Variants in NTAN1 observed in about 807,000 individuals in gnomAD.
The protein encoded by NTAN1 is protein N-terminal asparagine amidohydrolase.
Under a neutral mutation model 41.9 loss-of-function variants are expected in NTAN1, and 32 were observed. The ratio of observed to expected loss-of-function variants is 0.76; its 90% CI spans 0.58 to 1.03. The LOEUF is 1.03. Ranked by LOEUF, NTAN1 falls within the 50% of genes least tolerant of loss-of-function variation. The pLI, the probability that NTAN1 is intolerant of heterozygous loss-of-function variation, is 0.00. For synonymous variants in NTAN1, 140 were observed against 139.5 expected (o/e 1.00, Z -0.03); for missense variants, 377 against 377.5 (o/e 1.00, Z 0.01).
intron 1 of NTAN1, among the ~76,000 whole-genome samples, chr16:15,054,933 T>C (rs1226314240): frequency 2.6e-5 from 4 of 152,212 alleles, no homozygotes; most frequent in Non-Finnish European, 4.4e-5. Context: ...CAGGTTCCTG[T>C]GCTTCCCATC....
At position 15,038,099 on chromosome 16, in the gene NTAN1, T is replaced by C. The variant is rs1264017091; in HGVS notation, c.865A>G (p.Asn289Asp). The part of the protein sequence containing the change: ...PSPAHTLFSG[N>D]KALLYKKNED... ...TTTTTTTTGTAGAGTAGGGCTTTAT[T>C]TCCAGAAAACAGTGTGTGAGCTGGA... Residue 289 changes from asparagine to aspartate, a missense_variant, in exon 10 of 10, where the codon AAT becomes GAT. Physicochemically the swap from Asn to Asp is conservative, Grantham distance 23. Transcript: ENST00000287706. The C allele has an allele frequency of 6.2e-7, 1 of 1,612,476 alleles. No homozygotes were observed. The highest frequency in any genetic ancestry group is 1.1e-5 in the South Asian group (1 of 91,036).
intron 1 of NTAN1, among the ~76,000 whole-genome samples, chr16:15,051,478 T>C (rs1236024409): frequency 6.7e-6 from 1 of 149,982 alleles, no homozygotes; most frequent in Non-Finnish European, 1.5e-5. Flanking sequence ...CCCAAGGAGC[T>C]GGGAACTACA....
intron 4 of NTAN1, among the ~76,000 whole-genome samples, chr16:15,046,687 C>G: frequency 7.1e-6 from 1 of 140,770 alleles, no homozygotes; most frequent in Non-Finnish European, 1.5e-5. Context: ...TGGCAAAACC[C>G]TGTCTCTACC....
intron 3 of NTAN1, 102 bp from the exon 4 acceptor site, chr16:15,047,652 T>G (rs531515098): frequency 3.0e-6 from 3 of 986,020 alleles, no homozygotes; most frequent in Non-Finnish European, 4.9e-6. Context: ...TCTTTGAATA[T>G]CCTGTAGGGG....
intron 1 of NTAN1, among the ~76,000 whole-genome samples, chr16:15,051,395 C>T (rs55727637): frequency 0.3 from 45,505 of 152,156 alleles, 7,345 homozygotes; most frequent in Admixed American, 0.45. Context: ...TACTGTCTCC[C>T]AGGCTGGAGT....
chr16:15,044,611 C>T, intron 4 of NTAN1: 2 of 592,720 alleles, frequency 3.4e-6, no homozygotes, highest in Non-Finnish European at 6.0e-6. Context: ...CCCAGGGGCC[C>T]TGATGACTGA....
intron 1 of NTAN1, among the ~76,000 whole-genome samples, chr16:15,053,353 CT>C (rs2044369307): frequency 6.6e-6 from 1 of 152,180 alleles, no homozygotes; most frequent in Admixed American, 6.5e-5. Flanking sequence ...CACTGTATGA[CT>C]TATTGTTATT....
intron 1 of NTAN1, among the ~76,000 whole-genome samples, chr16:15,054,789 C>A (rs11075253): frequency 0.22 from 33,530 of 152,134 alleles, 4,406 homozygotes; most frequent in Middle Eastern, 0.35. Context: ...GGACACTACT[C>A]TTATCTGCCT....
Position 15,047,852 on chromosome 16 carries a change from TA to T in NTAN1, c.250+2del, listed in dbSNP as rs2044138233. ...ATGGTTTCCTTCACCTCTCTCATCA[TA>T]CCTGTGTGCCTCAGGACCACAATGT... On this transcript the variant is annotated splice_donor_variant, in intron 3 of 9. Coordinates refer to ENST00000287706, the MANE Select transcript of NTAN1 (RefSeq NM_173474.4). LOFTEE classifies it high-confidence loss of function. The T allele has an allele frequency of 6.2e-7, 1 of 1,609,190 alleles. No individual in the cohort carries two copies. The highest frequency in any genetic ancestry group is 8.5e-7 in the Non-Finnish European group (1 of 1,175,556).
At chr16:15,038,724 T>C (rs761307753) in intron 8 of NTAN1, 37 bp from the exon 9 acceptor site, 36 of 1,179,826 alleles carry the variant, frequency 3.1e-5, no homozygotes, top group Non-Finnish European at 4.4e-5. Context: ...ATTTCAGGAA[T>C]GTCACCCACT....
At chr16:15,041,171 A>ATTAT (rs745444961) in intron 6 of NTAN1, 50 bp from the exon 7 acceptor site, 27 of 1,173,544 alleles carry the variant, frequency 2.3e-5, no homozygotes, top group Non-Finnish European at 3.2e-5. Context: ...ATACCAAATG[A>ATTAT]TTATTTTTAC....
chr16:15,043,456 C>T (rs1256163273), intron 5 of NTAN1, among the ~76,000 whole-genome samples: 1 of 152,184 alleles, frequency 6.6e-6, no homozygotes, highest in Non-Finnish European at 1.5e-5. Flanking sequence ...GAGGGAGGAT[C>T]ACTTGAGCCC....
At chr16:15,046,790 A>G (rs8045951) in intron 4 of NTAN1, among the ~76,000 whole-genome samples, 3 of 149,672 alleles carry the variant, frequency 2.0e-5, no homozygotes, top group Non-Finnish European at 4.4e-5. Flanking sequence ...TCGGAGAATC[A>G]CCTGAGTCCA....
intron 1 of NTAN1, among the ~76,000 whole-genome samples, chr16:15,054,312 A>ATG (rs2044413210): frequency 6.6e-6 from 1 of 152,206 alleles, no homozygotes; most frequent in Admixed American, 6.5e-5. Context: ...ATGTCTTCTT[A>ATG]AATAGGCCAA....
intron 4 of NTAN1, 186 bp from the exon 5 acceptor site, chr16:15,044,593 G>A: frequency 1.7e-6 from 1 of 597,980 alleles, no homozygotes; most frequent in Admixed American, 2.9e-5. Flanking sequence ...GAGCTTCTGG[G>A]GACCCTGCCC....
intron 8 of NTAN1, among the ~76,000 whole-genome samples, chr16:15,039,265 C>G (rs1294189878): frequency 6.6e-6 from 1 of 152,190 alleles, no homozygotes; most frequent in Non-Finnish European, 1.5e-5. Context: ...AGGCCTGTTA[C>G]ACTCCTTGAG....
At chr16:15,040,340 G>A (rs780986129) in intron 7 of NTAN1, 19 of 385,828 alleles carry the variant, frequency 4.9e-5, no homozygotes, top group Admixed American at 8.9e-5. Flanking sequence ...TCCTTCAGTC[G>A]GACATGTAGC....
chr16:15,056,032 G>T lies in NTAN1; in HGVS notation c.-61C>A. The T allele has an allele frequency of 1.2e-6, 1 of 823,644 alleles. No homozygotes were observed. The highest frequency in any genetic ancestry group is 1.5e-6 in the Non-Finnish European group (1 of 649,548). The allele number at this position is 823,644 out of a possible 1,614,324, so 51.0% of individuals were successfully genotyped here. ...GGCGGCCCCCCGCTTTGCAGCCCCG[G>T]GCCGCCCGCCGCCCCCGCCCCTCGG... On this transcript the variant is annotated 5_prime_UTR_variant, in exon 1 of 10. Transcript: ENST00000287706.
At position 15,053,646 on chromosome 16, in the gene NTAN1, C is replaced by T. The variant is rs371043952; in HGVS notation, c.81+2245G>A. Among the ~76,000 whole-genome samples the T allele has an allele frequency of 2.0e-5, 3 of 152,084 alleles. No homozygotes were observed. In the East Asian group the frequency reaches 5.8e-4, roughly 29 times the overall value. ...ATAATCCAGGCCAGGTGGAGTGGCT[C>T]ACACCGGTAATCCCAGCACTTTGGG... On this transcript the variant is annotated intron_variant, in intron 1 of 9. Transcript: ENST00000287706.
Sources: allele counts gnomAD v4.1 joint callset (sites outside exome capture counted in the v4.1 genomes callset), GRCh38; gene constraint gnomAD v4.1.1; transcripts MANE v1.5; gene names NCBI Gene and HGNC (gene_info 2026-07-23, HGNC 2026-07-21).